Variants in RHOBTB3 observed in about 807,000 individuals in gnomAD.
RHOBTB3 encodes rho-related BTB domain-containing protein 3.
Under a neutral mutation model 67.2 loss-of-function variants are expected in RHOBTB3, and 47 were observed. The observed-to-expected ratio is 0.70, with a 90% CI of 0.55 to 0.89. The LOEUF is 0.89. Among genes scored for constraint, RHOBTB3 ranks in the 40% least tolerant of loss-of-function variants. The pLI, the probability that RHOBTB3 is intolerant of heterozygous loss-of-function variation, is 0.00. For synonymous variants in RHOBTB3, 273 were observed against 274.2 expected (o/e 1.00, Z 0.04); for missense variants, 631 against 750.0 (o/e 0.84, Z 1.85).
At chr5:95,747,709 A>G (rs1351984077) in intron 3 of RHOBTB3, among the ~76,000 whole-genome samples, 4 of 152,146 alleles carry the variant, frequency 2.6e-5, no homozygotes, top group South Asian at 2.1e-4. Context: ...TTAATTTTTT[A>G]ATCTTAAAGA....
chr5:95,770,960 T>C (rs1276074201), intron 8 of RHOBTB3, among the ~76,000 whole-genome samples: 1 of 152,202 alleles, frequency 6.6e-6, no homozygotes, highest in Non-Finnish European at 1.5e-5. Context: ...TTTACATTCC[T>C]GATACTGGGT....
chr5:95,774,425 A>G (rs1363248004), intron 8 of RHOBTB3, among the ~76,000 whole-genome samples: 3 of 152,150 alleles, frequency 2.0e-5, no homozygotes, highest in African/African-American at 7.2e-5. Context: ...TTTACACTGG[A>G]TTAGAATCCC....
intron 1 of RHOBTB3, 77 bp downstream of exon 1, chr5:95,731,761 A>G (rs1755268262): frequency 6.2e-7 from 1 of 1,606,992 alleles, no homozygotes; most frequent in Non-Finnish European, 8.5e-7. Flanking sequence ...GCTGGTGCCC[A>G]TCCTCGCCGC....
chr5:95,794,243 T>G lies in RHOBTB3; in HGVS notation c.*1069T>G, dbSNP rs560511062. ...TTGATCATTCTGTAAGACCAGGAGG[T>G]TGGTAAGAGTGACTAACCAGCCTAA... On this transcript the variant is annotated 3_prime_UTR_variant, in exon 12 of 12. Transcript: ENST00000379982. 1 of 268,866 alleles carries G rather than the reference T, an allele frequency of 3.7e-6. No individual in the cohort carries two copies. Among genetic ancestry groups the G allele is most frequent in the African/African-American group, 2.2e-5 (1 of 45,310 alleles). The allele number at this position is 268,866 out of a possible 1,614,324, so 16.7% of individuals were successfully genotyped here. A position where few individuals can be genotyped will look rare whatever the true frequency, so the allele number is the denominator to read the frequency against.
intron 1 of RHOBTB3, among the ~76,000 whole-genome samples, chr5:95,724,255 T>C (rs1444413699): frequency 6.6e-6 from 1 of 152,244 alleles, no homozygotes; most frequent in Non-Finnish European, 1.5e-5. Context: ...TTCATGACTC[T>C]CATTTTTCAG....
intron 4 of RHOBTB3, among the ~76,000 whole-genome samples, chr5:95,749,336 TTCATGTTAAAATGTTGAGGTTCCACAGA>T (rs1464973529): frequency 2.0e-5 from 3 of 152,232 alleles, no homozygotes; most frequent in African/African-American, 7.2e-5. Flanking sequence ...ATTATGTAAA[TTCATGTTAAAATGTTGAGGTTCCACAGA>T]TGACTACAGA....
intron 3 of RHOBTB3, among the ~76,000 whole-genome samples, chr5:95,738,495 C>T (rs1384994609): frequency 2.0e-5 from 3 of 152,132 alleles, no homozygotes; most frequent in Non-Finnish European, 4.4e-5. Context: ...ACTCTGCCCT[C>T]GTAAATGGAT....
chr5:95,776,974 C>T (rs1202402463), intron 8 of RHOBTB3, among the ~76,000 whole-genome samples: 1 of 152,182 alleles, frequency 6.6e-6, no homozygotes, highest in Non-Finnish European at 1.5e-5. Flanking sequence ...TCCCCCAAAA[C>T]TGGCTGGAAT....
intron 6 of RHOBTB3, among the ~76,000 whole-genome samples, chr5:95,758,311 ATT>A (rs1745305192): frequency 6.6e-6 from 1 of 152,134 alleles, no homozygotes; most frequent in African/African-American, 2.4e-5. Flanking sequence ...ACCTGTTGTA[ATT>A]TTTTTATGCA....
chr5:95,723,336 C>T (rs977376277), intron 1 of RHOBTB3, among the ~76,000 whole-genome samples: 1 of 152,242 alleles, frequency 6.6e-6, no homozygotes, highest in Non-Finnish European at 1.5e-5. Flanking sequence ...ACTTGGACTT[C>T]TGCAAACACA....
At position 95,795,187 on chromosome 5, in the gene RHOBTB3, T is replaced by C. The variant is rs1292363446; in HGVS notation, c.*2013T>C. On this transcript the variant is annotated 3_prime_UTR_variant, in exon 12 of 12. Transcript: ENST00000379982. ...AATATTTTAATTGGGCTGATTTTAA[T>C]TAGGCTGTATCATTGATGATTACTG... is the stretch of plus-strand genomic sequence containing the variant. 6.6e-6 allele frequency: 1 copy of C among 152,112 alleles called. No homozygotes were observed. Among genetic ancestry groups the C allele is most frequent in the African/African-American group, 2.4e-5 (1 of 41,408 alleles). The allele number at this position is 152,112 out of a possible 1,614,324, so 9.4% of individuals were successfully genotyped here.
At chr5:95,751,806 T>G (rs1476724029) in intron 4 of RHOBTB3, among the ~76,000 whole-genome samples, 1 of 152,218 alleles carries the variant, frequency 6.6e-6, no homozygotes, top group African/African-American at 2.4e-5. Context: ...TTCTTGTTCC[T>G]GTTAGTTCGT....
intron 1 of RHOBTB3, 42 bp downstream of exon 1, chr5:95,731,726 C>G: frequency 6.2e-7 from 1 of 1,612,566 alleles, no homozygotes; most frequent in Non-Finnish European, 8.5e-7. Context: ...CTCTCCAGCG[C>G]GTGCCGTGCG....
chr5:95,735,289 C>T (rs1221086423), intron 2 of RHOBTB3, among the ~76,000 whole-genome samples: 4 of 149,668 alleles, frequency 2.7e-5, no homozygotes, highest in Non-Finnish European at 5.9e-5. Context: ...TCTTTTACCT[C>T]CCTTCAAAAA....
In RHOBTB3 at chr5:95,783,968, TTGACTC is replaced by T; in HGVS notation, c.1623+8_1623+13del. ...GACCTGCTTAAAAAGGCCAAGGTAA[TTGACTC>T]TGTGTATCTGATAGCCTAGTTTTTT... is the stretch of plus-strand genomic sequence containing the variant. On this transcript the variant is annotated splice_donor_region_variant and intron_variant, in intron 10 of 11. Coordinates refer to ENST00000379982, the MANE Select transcript of RHOBTB3 (RefSeq NM_014899.4). 1 of 1,605,098 alleles carries T rather than the reference TTGACTC, an allele frequency of 6.2e-7. No individual in the cohort carries two copies. Among genetic ancestry groups the T allele is most frequent in the Non-Finnish European group, 8.5e-7 (1 of 1,173,808 alleles).
chr5:95,763,481 A>G (rs1415995802), intron 6 of RHOBTB3, 27 bp from the exon 7 acceptor site: 1 of 1,331,170 alleles, frequency 7.5e-7, no homozygotes, highest in Non-Finnish European at 1.1e-6. Context: ...TAACAGAAAA[A>G]TCCAGCATGT....
chr5:95,754,964 T>C (rs546240152), intron 5 of RHOBTB3, among the ~76,000 whole-genome samples: 42 of 152,328 alleles, frequency 2.8e-4, no homozygotes, highest in African/African-American at 1.0e-3. Context: ...ACTTATTCAG[T>C]ACTTTGAATT....
intron 3 of RHOBTB3, among the ~76,000 whole-genome samples, chr5:95,744,956 A>G (rs1274037500): frequency 1.3e-5 from 2 of 152,042 alleles, no homozygotes; most frequent in African/African-American, 2.4e-5. Flanking sequence ...CAGTAGTTCC[A>G]GCCACTAGGT....
Position 95,731,897 on chromosome 5 carries a change from C to T in RHOBTB3, c.41C>T (p.Thr14Ile). 1 of 1,614,052 alleles carries T rather than the reference C, an allele frequency of 6.2e-7. No homozygotes were observed. The highest frequency in any genetic ancestry group is 8.5e-7 in the Non-Finnish European group (1 of 1,179,978). ...GTGGCGCTGGGGAACGAGGGGGACACATTCCACCAGGACAACCGGCCGTCG... is the reference window on the plus strand; with the variant it reads ...GTGGCGCTGGGGAACGAGGGGGACATATTCCACCAGGACAACCGGCCGTCG... The part of the protein sequence containing the change: ...HIVALGNEGD[T>I]FHQDNRPSGL... Residue 14 changes from threonine (T) to isoleucine (I), a missense_variant, in exon 2 of 12, where the codon ACA becomes ATA. Coordinates refer to ENST00000379982, the MANE Select transcript of RHOBTB3 (RefSeq NM_014899.4).
Sources: allele counts gnomAD v4.1 joint callset (sites outside exome capture counted in the v4.1 genomes callset), GRCh38; gene constraint gnomAD v4.1.1; transcripts MANE v1.5; gene names NCBI Gene and HGNC (gene_info 2026-07-23, HGNC 2026-07-21).